The following VEPH1 variants were observed in gnomAD, a reference collection of about 807,000 sequenced individuals.
The protein encoded by VEPH1 is ventricular zone-expressed PH domain-containing protein homolog 1.
A neutral mutation model predicts 85.2 loss-of-function variants in VEPH1; 80 were observed. That is an observed-to-expected ratio of 0.94 (90% confidence interval 0.78 to 1.13). VEPH1 has a LOEUF of 1.13. Ranked by LOEUF, VEPH1 falls within the 50% of genes most tolerant of loss-of-function variation. The probability of loss-of-function intolerance (pLI) is 0.00; values close to 1 mark genes in which losing one functional copy is unlikely to be tolerated. For synonymous variants in VEPH1, 297 were observed against 348.0 expected (o/e 0.85, Z 1.63); for missense variants, 955 against 980.5 (o/e 0.97, Z 0.35).
chr3:157,364,235 A>G, intron 8 of VEPH1, 68 bp downstream of exon 8: 1 of 1,271,086 alleles, frequency 7.9e-7, no homozygotes, highest in South Asian at 1.3e-5. Flanking sequence ...ACCCCATAAC[A>G]GAGTGATAAC....
intron 12 of VEPH1, among the ~76,000 whole-genome samples, chr3:157,272,785 C>G (rs1714883459): frequency 6.6e-6 from 1 of 152,068 alleles, no homozygotes; most frequent in South Asian, 2.1e-4. Flanking sequence ...TCTGCTAAAA[C>G]TTTTGCTAGC....
intron 4 of VEPH1, among the ~76,000 whole-genome samples, chr3:157,434,457 G>A (rs1293045346): frequency 2.0e-5 from 3 of 152,036 alleles, no homozygotes; most frequent in African/African-American, 4.8e-5. Flanking sequence ...GACTACAGGT[G>A]CATATCACCA....
In VEPH1 at chr3:157,309,461, T is replaced by C. The variant is rs181609688; in HGVS notation, c.2010+4160A>G. Among the ~76,000 whole-genome samples the C allele has an allele frequency of 1.8e-3, 269 of 152,294 alleles. 2 individuals are homozygous for C. The highest frequency in any genetic ancestry group is 0.017 in the Middle Eastern group (5 of 294). ...GCCAGGCGATGCTCTAGGTGCTGGG[T>C]GTACAATGACAAGCATATGTTCTCA... is the stretch of plus-strand genomic sequence containing the variant. On this transcript the variant is annotated intron_variant, in intron 11 of 13. Transcript: ENST00000362010.
chr3:157,498,317 G>A (rs540208977), intron 1 of VEPH1, among the ~76,000 whole-genome samples: 64 of 152,230 alleles, frequency 4.2e-4, no homozygotes, highest in African/African-American at 1.3e-3. Context: ...TACACACCTC[G>A]TCTATTTCAT....
intron 11 of VEPH1, among the ~76,000 whole-genome samples, chr3:157,294,486 T>C (rs1717885594): frequency 6.6e-6 from 1 of 152,250 alleles, no homozygotes; most frequent in African/African-American, 2.4e-5. Flanking sequence ...TTTAGCTAAC[T>C]GTTGCCTCTA....
chr3:157,334,901 A>G (rs1722820353), intron 9 of VEPH1, among the ~76,000 whole-genome samples: 1 of 152,206 alleles, frequency 6.6e-6, no homozygotes, highest in Admixed American at 6.5e-5. Flanking sequence ...TGGCAAGATC[A>G]TAGAGCCAGG....
intron 4 of VEPH1, among the ~76,000 whole-genome samples, chr3:157,431,541 T>C (rs1296685566): frequency 1.3e-5 from 2 of 152,184 alleles, no homozygotes; most frequent in Non-Finnish European, 2.9e-5. Flanking sequence ...AATCTAGGAT[T>C]ATCTCCCTAT....
rs1221738777 is a variant in VEPH1 at position 157,381,344 on chromosome 3, C to T, written c.939G>A (p.Val313=). Residue 313 remains valine, a synonymous_variant, in exon 7 of 14, where the codon GTG becomes GTA. Coordinates refer to ENST00000362010, the MANE Select transcript of VEPH1 (RefSeq NM_001167912.2). ...AATGCTCCATGTTGGCCAGTTGGCT[C>T]ACCAGGTATGTCAGGCAGCTCCTGG... ...ERARSCLTYL[V]SQLANMEHSF... is the part of the protein sequence containing the mutation. The T allele has an allele frequency of 6.2e-7, 1 of 1,614,042 alleles. No homozygotes were observed. The highest frequency in any genetic ancestry group is 8.5e-7 in the Non-Finnish European group (1 of 1,180,036).
chr3:157,357,815 T>C (rs1725615736), intron 9 of VEPH1, among the ~76,000 whole-genome samples: 1 of 152,206 alleles, frequency 6.6e-6, no homozygotes, highest in South Asian at 2.1e-4. Flanking sequence ...TTTTCTTTAA[T>C]TATTTATTTA....
At chr3:157,319,367 C>G (rs1318691242) in intron 9 of VEPH1, among the ~76,000 whole-genome samples, 1 of 152,108 alleles carries the variant, frequency 6.6e-6, no homozygotes, top group Non-Finnish European at 1.5e-5. Flanking sequence ...AGGTCTGGCA[C>G]TGAGAAAGAC....
intron 6 of VEPH1, among the ~76,000 whole-genome samples, chr3:157,393,993 T>G (rs1244631939): frequency 6.6e-6 from 1 of 152,316 alleles, no homozygotes; most frequent in East Asian, 1.9e-4. Flanking sequence ...GAACCACAAC[T>G]GAGACAAAGC....
intron 6 of VEPH1, among the ~76,000 whole-genome samples, chr3:157,398,052 T>C (rs540844132): frequency 1.3e-5 from 2 of 152,138 alleles, no homozygotes; most frequent in Admixed American, 6.5e-5. Flanking sequence ...CATAAGGCCA[T>C]AGGTACAGGC....
intron 5 of VEPH1, among the ~76,000 whole-genome samples, chr3:157,426,133 T>C (rs1190452677): frequency 6.6e-6 from 1 of 152,184 alleles, no homozygotes; most frequent in Non-Finnish European, 1.5e-5. Context: ...CTCTTTTTCT[T>C]CCCAGTCTTG....
intron 2 of VEPH1, 78 bp from the exon 3 acceptor site, chr3:157,470,607 A>T: frequency 1.4e-6 from 2 of 1,403,424 alleles, no homozygotes; most frequent in Non-Finnish European, 2.0e-6. Context: ...TAACTCAGTC[A>T]TTTAGAAAAT....
At chr3:157,473,685 C>A (rs866299315) in intron 2 of VEPH1, among the ~76,000 whole-genome samples, 1 of 152,022 alleles carries the variant, frequency 6.6e-6, no homozygotes, top group Non-Finnish European at 1.5e-5. Flanking sequence ...GAATACATCA[C>A]TTTCTATTTT....
At chr3:157,454,259 C>T (rs1735195954) in intron 4 of VEPH1, among the ~76,000 whole-genome samples, 2 of 151,968 alleles carry the variant, frequency 1.3e-5, no homozygotes, top group Admixed American at 1.3e-4. Context: ...GATTTAATCC[C>T]GTGGCCAAAG....
intron 6 of VEPH1, among the ~76,000 whole-genome samples, chr3:157,407,203 G>A (rs1295511150): frequency 6.6e-6 from 1 of 152,106 alleles, no homozygotes; most frequent in East Asian, 1.9e-4. Flanking sequence ...CTCTGTGGAC[G>A]AGAAACATCA....
chr3:157,393,397 T>C (rs1730058943), intron 6 of VEPH1, among the ~76,000 whole-genome samples: 1 of 152,204 alleles, frequency 6.6e-6, no homozygotes, highest in Non-Finnish European at 1.5e-5. Context: ...GAAAAAATAA[T>C]TGTAAAGTAT....
intron 3 of VEPH1, among the ~76,000 whole-genome samples, chr3:157,467,952 A>G (rs1352907393): frequency 2.6e-5 from 4 of 152,114 alleles, no homozygotes; most frequent in South Asian, 2.1e-4. Flanking sequence ...CTTACACCAT[A>G]CCCCATCCCT....
Sources: gnomAD v4.1 joint callset for allele counts (sites outside exome capture counted in the v4.1 genomes callset) on GRCh38, gnomAD v4.1.1 for gene constraint, MANE v1.5 for transcripts, NCBI Gene and HGNC (gene_info 2026-07-23, HGNC 2026-07-21) for gene names.